The following DYNLL2 variants were observed in gnomAD, a reference collection of about 807,000 sequenced individuals.
The protein encoded by DYNLL2 is dynein light chain 2, cytoplasmic.
Under a neutral mutation model 9.7 loss-of-function variants are expected in DYNLL2, and 1 was observed. The ratio of observed to expected loss-of-function variants is 0.10; its 90% CI spans 0.04 to 0.49. The LOEUF is 0.49. Ranked by LOEUF, DYNLL2 falls within the 20% of genes least tolerant of loss-of-function variation. The pLI is 0.95. For missense variants in DYNLL2, 37 were observed against 115.2 expected (o/e 0.32, Z 3.11); for synonymous variants, 35 against 40.5 (o/e 0.86, Z 0.52).
rs2075783672 is a variant in DYNLL2 at position 58,092,475 on chromosome 17, A to G, written c.*3196A>G. 1 of 152,294 alleles carries G rather than the reference A, an allele frequency of 6.6e-6. No individual in the cohort carries two copies. The highest frequency in any genetic ancestry group is 2.4e-5 in the African/African-American group (1 of 41,456). The allele number at this position is 152,294 out of a possible 1,614,324, so 9.4% of individuals were successfully genotyped here. A position where few individuals can be genotyped will look rare whatever the true frequency, so the allele number is the denominator to read the frequency against. ...GCCCAGGATGGGAAAGTATGTGAGC[A>G]TGTGTCACTGAAGGGACTGTGGAAA... On this transcript the variant is annotated 3_prime_UTR_variant, in exon 3 of 3. Coordinates refer to ENST00000579991, the MANE Select transcript of DYNLL2 (RefSeq NM_080677.3).
At chr17:58,086,469 G>A (rs546728892) in intron 1 of DYNLL2, among the ~76,000 whole-genome samples, 3 of 152,170 alleles carry the variant, frequency 2.0e-5, no homozygotes, top group African/African-American at 2.4e-5. Context: ...AACAACTCGC[G>A]ATAGAGAGCT....
chr17:58,089,516 T>C lies in DYNLL2; in HGVS notation c.*237T>C. 1.9e-6 allele frequency: 1 copy of C among 520,780 alleles called. No individual in the cohort carries two copies. Among genetic ancestry groups the C allele is most frequent in the East Asian group, 3.4e-5 (1 of 29,844 alleles). The allele number at this position is 520,780 out of a possible 1,614,324, so 32.3% of individuals were successfully genotyped here. A position where few individuals can be genotyped will look rare whatever the true frequency, so the allele number is the denominator to read the frequency against. On this transcript the variant is annotated 3_prime_UTR_variant, in exon 3 of 3. Transcript: ENST00000579991. ...TTATTTTTCAAGACTTTAAAAATATTTTTTGGTTGTATTGCACTAGGAAAT... is the reference window on the plus strand; with the variant it reads ...TTATTTTTCAAGACTTTAAAAATATCTTTTGGTTGTATTGCACTAGGAAAT...
intron 2 of DYNLL2, among the ~76,000 whole-genome samples, chr17:58,087,452 T>A (rs1414171056): frequency 6.6e-6 from 1 of 151,950 alleles, no homozygotes; most frequent in African/African-American, 2.4e-5. Context: ...GTGTGTATGT[T>A]TACTTTTACA....
rs1353755434 is a variant in DYNLL2 at position 58,094,443 on chromosome 17, C to T, written c.*5164C>T. 2 of 152,112 alleles carry T rather than the reference C, an allele frequency of 1.3e-5. No homozygotes were observed. Among genetic ancestry groups the T allele is most frequent in the Non-Finnish European group, 2.9e-5 (2 of 68,024 alleles). 9.4% of individuals were successfully genotyped at this position (152,112 alleles called of 1,614,324 possible). On this transcript the variant is annotated 3_prime_UTR_variant, in exon 3 of 3. Transcript: ENST00000579991. ...ACCACCAGCCTTCTCCCTCCCTGCTCAATTATACCCATGTTATAGGGAAGG... is the reference window on the plus strand; with the variant it reads ...ACCACCAGCCTTCTCCCTCCCTGCTTAATTATACCCATGTTATAGGGAAGG...
At chr17:58,085,498 A>T (rs892071093) in intron 1 of DYNLL2, among the ~76,000 whole-genome samples, 1 of 152,180 alleles carries the variant, frequency 6.6e-6, no homozygotes, top group Non-Finnish European at 1.5e-5. Flanking sequence ...GCTGGGCCAC[A>T]GAGGGGTGCT....
chr17:58,083,771 C>G (rs1567765155), intron 1 of DYNLL2, 88 bp downstream of exon 1: 1 of 151,998 alleles, frequency 6.6e-6, no homozygotes, highest in Non-Finnish European at 1.5e-5. Flanking sequence ...CCGCGGTGGC[C>G]CTGCGGCCTC....
chr17:58,091,426 A>T lies in DYNLL2; in HGVS notation c.*2147A>T, dbSNP rs191658941. The T allele has an allele frequency of 6.6e-6, 1 of 152,274 alleles. No homozygotes were observed. Among genetic ancestry groups the T allele is most frequent in the Admixed American group, 6.5e-5 (1 of 15,306 alleles). The allele number at this position is 152,274 out of a possible 1,614,324, so 9.4% of individuals were successfully genotyped here. ...CTTAAGTAGAGGAAAACTAACCAGC[A>T]GCACTCACCCTTAAGGGCTCCTGGG... On this transcript the variant is annotated 3_prime_UTR_variant, in exon 3 of 3. Coordinates refer to ENST00000579991, the MANE Select transcript of DYNLL2 (RefSeq NM_080677.3).
chr17:58,094,361 T>G lies in DYNLL2; in HGVS notation c.*5082T>G, dbSNP rs768082030. The stretch of plus-strand genomic sequence containing the variant: ...ATGATGATGATGATGATACTGATTA[T>G]TAGGGTATCTAATAAAGTTGGGGAA... On this transcript the variant is annotated 3_prime_UTR_variant, in exon 3 of 3. Transcript: ENST00000579991. 3 of 152,180 alleles carry G rather than the reference T, an allele frequency of 2.0e-5. No homozygotes were observed. The highest frequency in any genetic ancestry group is 4.4e-5 in the Non-Finnish European group (3 of 68,038). 9.4% of individuals were successfully genotyped at this position (152,180 alleles called of 1,614,324 possible).
intron 2 of DYNLL2, among the ~76,000 whole-genome samples, chr17:58,088,389 G>C (rs1005598733): frequency 6.6e-6 from 1 of 152,242 alleles, no homozygotes; most frequent in Non-Finnish European, 1.5e-5. Flanking sequence ...CCCCAGAGTT[G>C]GCAGCGTTGG....
chr17:58,091,942 CAAGT>C lies in DYNLL2; in HGVS notation c.*2668_*2671del, dbSNP rs1196235321. On this transcript the variant is annotated 3_prime_UTR_variant, in exon 3 of 3. Transcript: ENST00000579991. Reference sequence around the variant, plus strand: ...ATGCTGTTCACAGAGGAGAATGAGACAAGTAAGTTCTAGGCTTCTATGACATACA... The same window carrying C: ...ATGCTGTTCACAGAGGAGAATGAGACAAGTTCTAGGCTTCTATGACATACA... 9.2e-5 allele frequency: 14 copies of C among 152,294 alleles called. No individual in the cohort carries two copies. The highest frequency in any genetic ancestry group is 6.8e-3 in the Middle Eastern group (2 of 294). The allele number at this position is 152,294 out of a possible 1,614,324, so 9.4% of individuals were successfully genotyped here.
chr17:58,092,287 A>G lies in DYNLL2; in HGVS notation c.*3008A>G, dbSNP rs1266196433. Reference sequence around the variant, plus strand: ...CACAGTTCACATTTCATCAGGGATGAGTGTCTCCAGGGCCAAAGCTCATCT... The same window carrying G: ...CACAGTTCACATTTCATCAGGGATGGGTGTCTCCAGGGCCAAAGCTCATCT... On this transcript the variant is annotated 3_prime_UTR_variant, in exon 3 of 3. Transcript: ENST00000579991. The G allele has an allele frequency of 6.6e-6, 1 of 152,230 alleles. No homozygotes were observed. The highest frequency in any genetic ancestry group is 1.5e-5 in the Non-Finnish European group (1 of 68,050). 9.4% of individuals were successfully genotyped at this position (152,230 alleles called of 1,614,324 possible). A position where few individuals can be genotyped will look rare whatever the true frequency, so the allele number is the denominator to read the frequency against.
chr17:58,089,187 C>T lies in DYNLL2; in HGVS notation c.178C>T (p.Arg60Ter). The T allele has an allele frequency of 1.2e-6, 2 of 1,613,938 alleles. No homozygotes were observed. Among genetic ancestry groups the T allele is most frequent in the Non-Finnish European group, 1.7e-6 (2 of 1,179,964 alleles). ...CCCTACCTGGCATTGTATCGTGGGC[C>T]GAAATTTTGGCAGCTACGTCACACA... ...YNPTWHCIVGRNFGSYVTHET... is the reference protein window; with the variant it reads ...YNPTWHCIVG Residue 60 changes from arginine to a stop codon, truncating the protein, a stop_gained, in exon 3 of 3, where the codon CGA becomes TGA. Transcript: ENST00000579991. LOFTEE classifies it high-confidence loss of function.
At chr17:58,088,999 G>A (rs117033540) in intron 2 of DYNLL2, 143 bp from the exon 3 acceptor site, 67 of 963,278 alleles carry the variant, frequency 7.0e-5, no homozygotes, top group Non-Finnish European at 9.4e-5. Flanking sequence ...TTTGAGGTTC[G>A]GGGAGCTGAG....
At chr17:58,088,183 T>C (rs1206658104) in intron 2 of DYNLL2, among the ~76,000 whole-genome samples, 1 of 152,194 alleles carries the variant, frequency 6.6e-6, no homozygotes, top group Non-Finnish European at 1.5e-5. Context: ...ATCCCCAGAT[T>C]TTCTGGTCTG....
At chr17:58,087,369 C>A (rs1369622279) in intron 2 of DYNLL2, 147 bp downstream of exon 2, 2 of 1,160,954 alleles carry the variant, frequency 1.7e-6, no homozygotes, top group East Asian at 2.7e-5. Context: ...GACAAACTAG[C>A]GAGTGATTCC....
At chr17:58,088,174 T>C (rs952479323) in intron 2 of DYNLL2, among the ~76,000 whole-genome samples, 3 of 152,154 alleles carry the variant, frequency 2.0e-5, no homozygotes, top group Non-Finnish European at 4.4e-5. Context: ...GCCAGAAGAA[T>C]CCCCAGATTT....
chr17:58,092,800 CTG>C lies in DYNLL2; in HGVS notation c.*3523_*3524del, dbSNP rs746614213. Reference sequence around the variant, plus strand: ...TTTGTTGCTGTGGCACTGTCGATCTCTGTTCCCTGAACTCTAGTGTCCTCCAG... The same window carrying C: ...TTTGTTGCTGTGGCACTGTCGATCTCTTCCCTGAACTCTAGTGTCCTCCAG... On this transcript the variant is annotated 3_prime_UTR_variant, in exon 3 of 3. Transcript: ENST00000579991. 6.6e-6 allele frequency: 1 copy of C among 152,268 alleles called. No individual in the cohort carries two copies. The highest frequency in any genetic ancestry group is 1.5e-5 in the Non-Finnish European group (1 of 68,056). The allele number at this position is 152,268 out of a possible 1,614,324, so 9.4% of individuals were successfully genotyped here.
rs2075781474 is a variant in DYNLL2 at position 58,091,884 on chromosome 17, ATATT to A, written c.*2608_*2611del. 1 of 152,202 alleles carries A rather than the reference ATATT, an allele frequency of 6.6e-6. No individual in the cohort carries two copies. 9.4% of individuals were successfully genotyped at this position (152,202 alleles called of 1,614,324 possible). ...TGTGTTACTATTTCTTTACTCAAAA[ATATT>A]TAAGAGTTCTTGTATGCTTGGGCCT... On this transcript the variant is annotated 3_prime_UTR_variant, in exon 3 of 3. Coordinates refer to ENST00000579991, the MANE Select transcript of DYNLL2 (RefSeq NM_080677.3).
Position 58,091,458 on chromosome 17 carries a change from C to T in DYNLL2, c.*2179C>T, listed in dbSNP as rs1217073006. 6.6e-6 allele frequency: 1 copy of T among 152,280 alleles called. No individual in the cohort carries two copies. Among genetic ancestry groups the T allele is most frequent in the Non-Finnish European group, 1.5e-5 (1 of 68,132 alleles). 9.4% of individuals were successfully genotyped at this position (152,280 alleles called of 1,614,324 possible). The stretch of plus-strand genomic sequence containing the variant: ...ACCCTTAAGGGCTCCTGGGTTCTGC[C>T]TTCCTTGGTGGTGATGGCCAGGTGA... On this transcript the variant is annotated 3_prime_UTR_variant, in exon 3 of 3. Coordinates refer to ENST00000579991, the MANE Select transcript of DYNLL2 (RefSeq NM_080677.3).
Sources: allele counts gnomAD v4.1 joint callset (sites outside exome capture counted in the v4.1 genomes callset), GRCh38; gene constraint gnomAD v4.1.1; transcripts MANE v1.5; gene names NCBI Gene and HGNC (gene_info 2026-07-23, HGNC 2026-07-21).